MMAB: variants seen among roughly 807,000 people sequenced by gnomAD.
MMAB encodes the protein corrinoid adenosyltransferase MMAB.
Under a neutral mutation model 30.6 loss-of-function variants are expected in MMAB, and 17 were observed. That is an observed-to-expected ratio of 0.56 (90% CI 0.38 to 0.83). The LOEUF (loss-of-function observed/expected upper bound fraction) is 0.83, where lower values mean the gene tolerates loss of function less well. Ranked by LOEUF, MMAB falls within the 40% of genes least tolerant of loss-of-function variation. The probability of loss-of-function intolerance (pLI) is 0.00; values close to 1 mark genes in which losing one functional copy is unlikely to be tolerated. For missense variants in MMAB, 311 were observed against 331.6 expected (o/e 0.94, Z 0.48); for synonymous variants, 134 against 138.6 (o/e 0.97, Z 0.23).
In MMAB at chr12:109,570,994, T is replaced by A. The variant is rs976244546; in HGVS notation, c.196+655A>T. ...AATATATACTCATTATAAAAAATAA[T>A]AAAATAGAATAAAAGTATGTAAATA... On this transcript the variant is annotated intron_variant, in intron 2 of 8. Transcript: ENST00000545712. Among the ~76,000 whole-genome samples the A allele has an allele frequency of 9.2e-5, 14 of 151,636 alleles. 1 individual carries two copies. In the South Asian group the frequency reaches 2.9e-3, roughly 31 times the overall value.
chr12:109,570,053 G>A, intron 2 of MMAB: 1 of 287,720 alleles, frequency 3.5e-6, no homozygotes, highest in Non-Finnish European at 7.1e-6. Flanking sequence ...CTTGAGGCCA[G>A]GAGTTCGAGA....
intron 4 of MMAB, among the ~76,000 whole-genome samples, chr12:109,563,653 C>T (rs1054170891): frequency 6.6e-6 from 1 of 152,236 alleles, no homozygotes. Flanking sequence ...CGACCCAACG[C>T]GTACAGCAGA....
At position 109,561,017 on chromosome 12, in the gene MMAB, C is replaced by T. The variant is rs371616426; in HGVS notation, c.584+23G>A. The T allele has an allele frequency of 6.0e-5, 94 of 1,563,184 alleles. No homozygotes were observed. The highest frequency in any genetic ancestry group is 3.4e-4 in the Middle Eastern group (2 of 5,958). ...TTCCTCTCCCTCTCCCTTGGGCCCTCTCCCTCTCTCCAGCCCTCTTACCGT... is the reference window on the plus strand; with the variant it reads ...TTCCTCTCCCTCTCCCTTGGGCCCTTTCCCTCTCTCCAGCCCTCTTACCGT... On this transcript the variant is annotated intron_variant, in intron 7 of 8. Transcript: ENST00000545712. This position sits in a 1 kb window ranked among gnomAD's most constrained non-coding sequence, Gnocchi z 5.3.
At chr12:109,559,241 C>A (rs1884104110) in intron 7 of MMAB, 86 bp from the exon 8 acceptor site, 9 of 979,254 alleles carry the variant, frequency 9.2e-6, no homozygotes, top group Non-Finnish European at 1.3e-5. Flanking sequence ...CAGCATTTCA[C>A]ATCCTGCCAC....
At chr12:109,570,719 A>G (rs751907668) in intron 2 of MMAB, among the ~76,000 whole-genome samples, 1 of 152,092 alleles carries the variant, frequency 6.6e-6, no homozygotes, top group Non-Finnish European at 1.5e-5. Context: ...AAAAAATTAA[A>G]AAGTATTAGC....
chr12:109,559,419 C>T (rs377633801), intron 7 of MMAB, among the ~76,000 whole-genome samples: 2 of 152,208 alleles, frequency 1.3e-5, no homozygotes, highest in Non-Finnish European at 2.9e-5. Context: ...CTGGCCTACA[C>T]CACACCCCAG....
chr12:109,556,091 G>A lies in MMAB; in HGVS notation c.*937C>T. 1 of 454,002 alleles carries A rather than the reference G, an allele frequency of 2.2e-6. No homozygotes were observed. Among genetic ancestry groups the A allele is most frequent in the South Asian group, 1.6e-5 (1 of 64,478 alleles). 28.1% of individuals were successfully genotyped at this position (454,002 alleles called of 1,614,324 possible). ...CCTTCATAAATATTGCCTTTCCCAA[G>A]GACACTGCTGGCACTGGCAGTGTCG... On this transcript the variant is annotated 3_prime_UTR_variant, in exon 9 of 9. Transcript: ENST00000545712.
At chr12:109,565,065 G>C (rs952479771) in intron 4 of MMAB, 54 bp downstream of exon 4, 1 of 1,410,900 alleles carries the variant, frequency 7.1e-7, no homozygotes. Flanking sequence ...GCTGAGTCCC[G>C]TGATGGCCAC....
At chr12:109,562,326 G>A (rs181013500) in intron 4 of MMAB, among the ~76,000 whole-genome samples, 15 of 152,302 alleles carry the variant, frequency 9.8e-5, no homozygotes, top group South Asian at 2.1e-4. Context: ...TAAATTATCC[G>A]GTCTCAGGTA....
intron 1 of MMAB, among the ~76,000 whole-genome samples, chr12:109,572,577 G>T (rs1884685564): frequency 6.6e-6 from 1 of 151,826 alleles, no homozygotes; most frequent in Admixed American, 6.6e-5. Context: ...CACAGACAGG[G>T]TCTTGCTCTG....
chr12:109,557,768 C>A (rs1163980252), intron 8 of MMAB, among the ~76,000 whole-genome samples: 4 of 152,228 alleles, frequency 2.6e-5, no homozygotes, highest in Non-Finnish European at 5.9e-5. Flanking sequence ...ACTAGTAATG[C>A]CTCCAAACAT....
At chr12:109,563,075 C>T (rs1419216346) in intron 4 of MMAB, among the ~76,000 whole-genome samples, 2 of 152,246 alleles carry the variant, frequency 1.3e-5, no homozygotes, top group African/African-American at 4.8e-5. Flanking sequence ...GCCCATCCAG[C>T]ACTGGGCTGG....
In MMAB at chr12:109,561,225, C is replaced by T. The variant is rs764208117; in HGVS notation, c.520-121G>A. On this transcript the variant is annotated intron_variant, in intron 6 of 8. Coordinates refer to ENST00000545712, the MANE Select transcript of MMAB (RefSeq NM_052845.4). This position sits in a 1 kb window ranked among gnomAD's most constrained non-coding sequence, Gnocchi z 5.3. ...GGGCAGTGTTCTGCCTCCAGGAGCC[C>T]TGCCACGGCACACCCACCGGGCACG... 1 of 1,595,732 alleles carries T rather than the reference C, an allele frequency of 6.3e-7. No individual in the cohort carries two copies. The highest frequency in any genetic ancestry group is 1.1e-5 in the South Asian group (1 of 90,624).
At chr12:109,564,379 G>GT (rs869192707) in intron 4 of MMAB, among the ~76,000 whole-genome samples, 28,959 of 126,750 alleles carry the variant, frequency 0.23, 3,687 homozygotes, top group Middle Eastern at 0.31. Context: ...GGAGACAGAG[G>GT]TTTTTTTTTT....
chr12:109,567,454 A>C (rs1002214604), intron 3 of MMAB, among the ~76,000 whole-genome samples: 2 of 152,148 alleles, frequency 1.3e-5, no homozygotes, highest in Non-Finnish European at 2.9e-5. Context: ...GTCAGATTTC[A>C]GGATCCAGCA....
At position 109,561,340 on chromosome 12, in the gene MMAB, A is replaced by T. The variant is rs1884192103; in HGVS notation, c.519+80T>A. On this transcript the variant is annotated intron_variant, in intron 6 of 8. Coordinates refer to ENST00000545712, the MANE Select transcript of MMAB (RefSeq NM_052845.4). The surrounding 1 kb of genome is among the most constrained non-coding windows in gnomAD (Gnocchi z 5.3). ...GGACAGCGTCTGTCACTGTGAAAAGAGGGATTTATTCAGAGCCCATGTGTG... is the reference window on the plus strand; with the variant it reads ...GGACAGCGTCTGTCACTGTGAAAAGTGGGATTTATTCAGAGCCCATGTGTG... 10 of 1,541,824 alleles carry T rather than the reference A, an allele frequency of 6.5e-6. No individual in the cohort carries two copies. Among genetic ancestry groups the T allele is most frequent in the Non-Finnish European group, 8.7e-6 (10 of 1,147,504 alleles).
At chr12:109,562,288 C>T (rs1566133348) in intron 4 of MMAB, among the ~76,000 whole-genome samples, 1 of 152,228 alleles carries the variant, frequency 6.6e-6, no homozygotes, top group African/African-American at 2.4e-5. Flanking sequence ...CCCACAAAAC[C>T]ATGTGCAGAT....
intron 7 of MMAB, among the ~76,000 whole-genome samples, chr12:109,560,024 C>T (rs11067250): frequency 0.11 from 16,893 of 152,312 alleles, 1,125 homozygotes; most frequent in Middle Eastern, 0.14. Flanking sequence ...AGCTGCTCCG[C>T]CATGCCTGTT....
Position 109,554,365 on chromosome 12 carries a change from A to G in MMAB, c.*2663T>C. 2.2e-6 allele frequency: 1 copy of G among 454,082 alleles called. No homozygotes were observed. Among genetic ancestry groups the G allele is most frequent in the Non-Finnish European group, 4.4e-6 (1 of 226,784 alleles). The allele number at this position is 454,082 out of a possible 1,614,324, so 28.1% of individuals were successfully genotyped here. On this transcript the variant is annotated 3_prime_UTR_variant, in exon 9 of 9. Transcript: ENST00000545712. ...CCAGCTTGTCTCTGGAAATGACACT[A>G]AACACCCCATTCCAGGGAGCCTGAC...
Sources: allele counts gnomAD v4.1 joint callset (sites outside exome capture counted in the v4.1 genomes callset), GRCh38; gene constraint gnomAD v4.1.1; non-coding constraint Gnocchi (gnomAD v3.1); transcripts MANE v1.5; gene names NCBI Gene and HGNC (gene_info 2026-07-23, HGNC 2026-07-21).